Variants in VAC14 observed in about 807,000 individuals in gnomAD.
VAC14 encodes the protein protein VAC14 homolog.
A neutral mutation model predicts 85.3 loss-of-function variants in VAC14; 47 were observed. That is an observed-to-expected ratio of 0.55 (90% CI 0.44 to 0.70). VAC14 has a LOEUF of 0.70. Among genes scored for constraint, VAC14 ranks in the 30% least tolerant of loss-of-function variants. The pLI, the probability that VAC14 is intolerant of heterozygous loss-of-function variation, is 0.00. For synonymous variants in VAC14, 447 were observed against 430.5 expected, an observed-to-expected ratio of 1.04 and a Z score of -0.47; for missense variants, 861 against 1,004.3, an observed-to-expected ratio of 0.86 and a Z score of 1.93.
intron 13 of VAC14, among the ~76,000 whole-genome samples, chr16:70,737,302 G>C (rs1470375765): frequency 2.0e-5 from 3 of 152,190 alleles, no homozygotes; most frequent in Non-Finnish European, 4.4e-5. Flanking sequence ...ACTGCGCTCC[G>C]AGGACCTCAG....
chr16:70,793,321 T>A (rs558773994), intron 1 of VAC14, among the ~76,000 whole-genome samples: 2 of 152,208 alleles, frequency 1.3e-5, no homozygotes, highest in Non-Finnish European at 2.9e-5. Flanking sequence ...ACGTGCTGCA[T>A]GTTTACATAC....
At chr16:70,785,536 C>T (rs1567605753) in intron 3 of VAC14, among the ~76,000 whole-genome samples, 166 bp downstream of exon 3, 1 of 152,198 alleles carries the variant, frequency 6.6e-6, no homozygotes, top group Non-Finnish European at 1.5e-5. Flanking sequence ...GGTATAAATG[C>T]AAGTCCATTA....
Position 70,687,911 on chromosome 16 carries a change from C to T in VAC14, c.*17G>A, listed in dbSNP as rs1007660965. 4 of 1,508,284 alleles carry T rather than the reference C, an allele frequency of 2.7e-6. No individual in the cohort carries two copies. The highest frequency in any genetic ancestry group is 3.6e-6 in the Non-Finnish European group (4 of 1,121,402). 93.4% of individuals were successfully genotyped at this position (1,508,284 alleles called of 1,614,324 possible). A position where few individuals can be genotyped will look rare whatever the true frequency, so the allele number is the denominator to read the frequency against. ...TTCATGGGACCACTCGGTGGGCCCT[C>T]CTCCGTGCCAGGCCTGTCAGAGGAC... On this transcript the variant is annotated 3_prime_UTR_variant, in exon 19 of 19. Coordinates refer to ENST00000261776, the MANE Select transcript of VAC14 (RefSeq NM_018052.5).
chr16:70,761,886 A>G (rs990195686), intron 12 of VAC14, among the ~76,000 whole-genome samples: 8 of 152,188 alleles, frequency 5.3e-5, no homozygotes, highest in Admixed American at 1.3e-4. Context: ...AGCATTTTAC[A>G]TGGATCATTT....
chr16:70,747,614 C>T (rs1486871901), intron 12 of VAC14: 1 of 152,124 alleles, frequency 6.6e-6, no homozygotes, highest in Non-Finnish European at 1.5e-5. Flanking sequence ...GTGTCTCTCG[C>T]CTGATCCAGG....
At chr16:70,736,820 C>A (rs972974812) in intron 13 of VAC14, among the ~76,000 whole-genome samples, 2 of 151,278 alleles carry the variant, frequency 1.3e-5, no homozygotes, top group Non-Finnish European at 2.9e-5. Context: ...TTGGGAGGGG[C>A]TGCATTGAGA....
intron 13 of VAC14, among the ~76,000 whole-genome samples, chr16:70,743,903 C>T (rs2030607448): frequency 6.6e-6 from 1 of 152,276 alleles, no homozygotes; most frequent in East Asian, 1.9e-4. Context: ...CTGGAAGGGA[C>T]CGAGGGGCGA....
intron 12 of VAC14, chr16:70,761,153 C>T (rs1368618806): frequency 2.2e-6 from 1 of 455,546 alleles, no homozygotes; most frequent in Non-Finnish European, 4.4e-6. Flanking sequence ...CTCTCTTCAG[C>T]CCAGGTTCGG....
intron 18 of VAC14, chr16:70,690,077 G>A (rs1226661275): frequency 4.1e-6 from 4 of 985,464 alleles, no homozygotes; most frequent in Non-Finnish European, 4.8e-6. Flanking sequence ...GGCCTTTAGA[G>A]AGATGCTCTC....
intron 8 of VAC14, 62 bp downstream of exon 8, chr16:70,781,807 C>A: frequency 6.3e-7 from 1 of 1,590,156 alleles, no homozygotes; most frequent in Non-Finnish European, 8.6e-7. Context: ...AGTGCAGGGT[C>A]CCTCAACTTC....
intron 14 of VAC14, chr16:70,700,351 T>A (rs1476423188): frequency 6.6e-6 from 1 of 152,074 alleles, no homozygotes; most frequent in African/African-American, 2.4e-5. Context: ...GGCCGCTTCA[T>A]CTCCCCGCGC....
At chr16:70,791,987 C>G (rs971129076) in intron 1 of VAC14, among the ~76,000 whole-genome samples, 1 of 152,180 alleles carries the variant, frequency 6.6e-6, no homozygotes, top group Admixed American at 6.5e-5. Flanking sequence ...CAAAGGGCAC[C>G]ATTACTAGGA....
At chr16:70,761,975 G>A (rs969492246) in intron 12 of VAC14, among the ~76,000 whole-genome samples, 1 of 152,112 alleles carries the variant, frequency 6.6e-6, no homozygotes, top group Admixed American at 6.5e-5. Flanking sequence ...GATACTAAGT[G>A]TCTTGCCTTT....
intron 12 of VAC14, among the ~76,000 whole-genome samples, chr16:70,748,378 C>T (rs930352974): frequency 6.6e-6 from 1 of 152,182 alleles, no homozygotes; most frequent in African/African-American, 2.4e-5. Flanking sequence ...ACTGATAATA[C>T]AGGGCGGGTG....
intron 14 of VAC14, among the ~76,000 whole-genome samples, chr16:70,724,038 A>C (rs1243295618): frequency 6.6e-6 from 1 of 152,150 alleles, no homozygotes; most frequent in Non-Finnish European, 1.5e-5. Context: ...GTCTCCTCCC[A>C]CCAGCCCTGC....
At chr16:70,767,532 T>C (rs2032913150) in intron 10 of VAC14, among the ~76,000 whole-genome samples, 1 of 152,232 alleles carries the variant, frequency 6.6e-6, no homozygotes, top group South Asian at 2.1e-4. Flanking sequence ...ATCATGACCC[T>C]TGGCAACAGC....
chr16:70,744,313 C>T, intron 13 of VAC14, 110 bp downstream of exon 13: 2 of 1,443,328 alleles, frequency 1.4e-6, no homozygotes, highest in Non-Finnish European at 1.9e-6. Context: ...CACACCCTGG[C>T]AGAGCTCCAG....
intron 14 of VAC14, among the ~76,000 whole-genome samples, chr16:70,702,668 A>G (rs967343554): frequency 2.0e-5 from 3 of 152,230 alleles, no homozygotes; most frequent in Admixed American, 1.3e-4. Context: ...GAAGACAGTA[A>G]TAATAGCGGA....
chr16:70,788,732 C>A (rs532163696), intron 1 of VAC14, among the ~76,000 whole-genome samples: 2 of 152,240 alleles, frequency 1.3e-5, no homozygotes, highest in Non-Finnish European at 2.9e-5. Flanking sequence ...GCCTGCCATG[C>A]GGGCGGCCGG....
Sources: allele counts gnomAD v4.1 joint callset (sites outside exome capture counted in the v4.1 genomes callset), GRCh38; gene constraint gnomAD v4.1.1; transcripts MANE v1.5; gene names NCBI Gene and HGNC (gene_info 2026-07-23, HGNC 2026-07-21).